Variants in MACROD2 observed in about 807,000 individuals in gnomAD.
MACROD2 encodes the protein mono-ADP ribosylhydrolase 2, also known as ADP-ribose glycohydrolase MACROD2.
Under a neutral mutation model 70.4 loss-of-function variants are expected in MACROD2, and 36 were observed. The observed-to-expected ratio is 0.51, with a 90% CI of 0.39 to 0.68. The LOEUF (loss-of-function observed/expected upper bound fraction) is 0.68, where lower values mean the gene tolerates loss of function less well. Among genes scored for constraint, MACROD2 ranks in the 30% least tolerant of loss-of-function variants. The probability of loss-of-function intolerance (pLI) is 0.00; values close to 1 mark genes in which losing one functional copy is unlikely to be tolerated. For missense variants in MACROD2, 496 were observed against 538.4 expected (o/e 0.92, Z 0.78); for synonymous variants, 172 against 178.8 (o/e 0.96, Z 0.30).
intron 4 of MACROD2, among the ~76,000 whole-genome samples, chr20:14,666,892 T>C (rs2070742242): frequency 6.6e-6 from 1 of 151,836 alleles, no homozygotes; most frequent in Admixed American, 6.6e-5. Flanking sequence ...CTTTCTGTGA[T>C]GGTCAGTTTT....
chr20:15,412,893 A>T (rs1314142053), intron 6 of MACROD2, among the ~76,000 whole-genome samples: 2 of 152,246 alleles, frequency 1.3e-5, no homozygotes, highest in African/African-American at 4.8e-5. Flanking sequence ...GGGAGTCATT[A>T]CATACTTAAA....
chr20:15,499,768 A>G lies in MACROD2; in HGVS notation c.572-6A>G. ...GTTCATTTGTTTTTTCCTGCTCTTCATCTAGGCTTTCCCAACGAGCCTGCT... is the reference window on the plus strand; with the variant it reads ...GTTCATTTGTTTTTTCCTGCTCTTCGTCTAGGCTTTCCCAACGAGCCTGCT... On this transcript the variant is annotated splice_region_variant and splice_polypyrimidine_tract_variant and intron_variant, in intron 7 of 17. Coordinates refer to ENST00000684519, the MANE Select transcript of MACROD2 (RefSeq NM_001351661.2). 1.2e-6 allele frequency: 2 copies of G among 1,613,564 alleles called. No individual in the cohort carries two copies. Among genetic ancestry groups the G allele is most frequent in the Non-Finnish European group, 1.7e-6 (2 of 1,179,638 alleles).
At chr20:15,497,948 T>C (rs552894525) in intron 7 of MACROD2, among the ~76,000 whole-genome samples, 4 of 152,322 alleles carry the variant, frequency 2.6e-5, no homozygotes, top group African/African-American at 9.6e-5. Flanking sequence ...TCAGTAATAC[T>C]TTTTAAATAA....
chr20:14,002,159 T>C, intron 1 of MACROD2, 129 bp from the exon 2 acceptor site: 1 of 458,948 alleles, frequency 2.2e-6, no homozygotes, highest in Non-Finnish European at 3.8e-6. Context: ...AGTCACTGGA[T>C]TTGCATTGTG....
At chr20:15,391,532 G>C (rs929752848) in intron 6 of MACROD2, among the ~76,000 whole-genome samples, 1 of 152,208 alleles carries the variant, frequency 6.6e-6, no homozygotes, top group African/African-American at 2.4e-5. Context: ...AAGTCTCAAG[G>C]AGTCCATGTC....
At chr20:15,694,644 A>G (rs961736106) in intron 8 of MACROD2, among the ~76,000 whole-genome samples, 1 of 151,974 alleles carries the variant, frequency 6.6e-6, no homozygotes, top group South Asian at 2.1e-4. Context: ...TAGACTGTGA[A>G]GTTTTTCTCC....
intron 3 of MACROD2, among the ~76,000 whole-genome samples, chr20:14,479,706 C>T (rs1382810094): frequency 6.6e-6 from 1 of 152,124 alleles, no homozygotes; most frequent in African/African-American, 2.4e-5. Context: ...CTATCTTCAC[C>T]AGACTTCAGC....
intron 3 of MACROD2, among the ~76,000 whole-genome samples, chr20:14,429,145 T>A (rs1486053756): frequency 2.0e-5 from 3 of 152,212 alleles, no homozygotes; most frequent in Admixed American, 2.0e-4. Context: ...CCTGATGATA[T>A]TTAAACTCAC....
chr20:16,032,748 AG>A (rs749092672), intron 15 of MACROD2, among the ~76,000 whole-genome samples: 14,866 of 122,106 alleles, frequency 0.12, 886 homozygotes, highest in Middle Eastern at 0.22. Flanking sequence ...AAGGGAAGAA[AG>A]GGAGGAGGGA....
intron 5 of MACROD2, among the ~76,000 whole-genome samples, chr20:15,034,782 CT>C (rs1400422366): frequency 6.6e-6 from 1 of 152,096 alleles, no homozygotes; most frequent in African/African-American, 2.4e-5. Flanking sequence ...TAGTAATATA[CT>C]TTGATGCTAA....
intron 5 of MACROD2, among the ~76,000 whole-genome samples, chr20:14,786,107 T>G (rs1352253111): frequency 6.6e-6 from 1 of 151,844 alleles, no homozygotes; most frequent in Non-Finnish European, 1.5e-5. Context: ...GTGGATTGGG[T>G]TGCAAAAGAG....
intron 7 of MACROD2, among the ~76,000 whole-genome samples, chr20:15,471,012 C>G (rs2046957705): frequency 6.6e-6 from 1 of 152,218 alleles, no homozygotes; most frequent in Admixed American, 6.5e-5. Flanking sequence ...CTCCTTCATC[C>G]ATCTTGGATC....
intron 5 of MACROD2, among the ~76,000 whole-genome samples, chr20:14,866,398 G>A (rs143011358): frequency 2.0e-5 from 3 of 152,220 alleles, no homozygotes; most frequent in African/African-American, 7.2e-5. Context: ...AGAGGGTCCA[G>A]CAGGTAGACA....
At chr20:15,714,440 G>A (rs142620010) in intron 8 of MACROD2, among the ~76,000 whole-genome samples, 27 of 152,280 alleles carry the variant, frequency 1.8e-4, no homozygotes, top group Admixed American at 6.5e-5. Context: ...GAAGAAAAGT[G>A]GAATAAGTAG....
intron 5 of MACROD2, among the ~76,000 whole-genome samples, chr20:14,883,312 C>G (rs2073632097): frequency 6.6e-6 from 1 of 152,094 alleles, no homozygotes; most frequent in South Asian, 2.1e-4. Flanking sequence ...ATAATTTGAA[C>G]ATTATGTCTA....
intron 5 of MACROD2, among the ~76,000 whole-genome samples, chr20:15,168,441 ATGTGTG>A (rs56188346): frequency 0.19 from 26,098 of 134,540 alleles, 2,453 homozygotes; most frequent in Middle Eastern, 0.26. Context: ...ACATTGTGGG[ATGTGTG>A]TGTGTGTGTG....
In MACROD2 at chr20:15,004,919, T is replaced by G. The variant is rs565119948; in HGVS notation, c.419-225021T>G. On this transcript the variant is annotated intron_variant, in intron 5 of 17. Transcript: ENST00000684519. Reference sequence around the variant, plus strand: ...TGTTTGATTTCCATATACTTCCAAATATTCCCTTCAGGCAGTTTCCTCCAA... The same window carrying G: ...TGTTTGATTTCCATATACTTCCAAAGATTCCCTTCAGGCAGTTTCCTCCAA... Among the ~76,000 whole-genome samples the G allele has an allele frequency of 2.6e-5, 4 of 152,280 alleles. No individual in the cohort carries two copies. In the East Asian group the frequency reaches 7.7e-4, roughly 29 times the overall value.
rs141181697 is a variant in MACROD2 at position 15,725,280 on chromosome 20, T to C, written c.646-137465T>C. ...TTTTTTCATCAGAGTTTTGTAGTTT[T>C]CCTCATGTAACTCCTGTACATATTT... On this transcript the variant is annotated intron_variant, in intron 8 of 17. Coordinates refer to ENST00000684519, the MANE Select transcript of MACROD2 (RefSeq NM_001351661.2). 7.2e-3 allele frequency among the ~76,000 whole-genome samples: 1,091 copies of C among 152,308 alleles called. 14 individuals are homozygous for C. Among genetic ancestry groups the C allele is most frequent in the African/African-American group, 0.025 (1,042 of 41,556 alleles).
intron 5 of MACROD2, among the ~76,000 whole-genome samples, chr20:14,954,483 A>G (rs952555667): frequency 9.8e-5 from 14 of 142,356 alleles, no homozygotes; most frequent in Non-Finnish European, 2.1e-4. Flanking sequence ...ATATATTTAA[A>G]TATATAAATT....
Sources: gnomAD v4.1 joint callset for allele counts (sites outside exome capture counted in the v4.1 genomes callset) on GRCh38, gnomAD v4.1.1 for gene constraint, MANE v1.5 for transcripts, NCBI Gene and HGNC (gene_info 2026-07-23, HGNC 2026-07-21) for gene names.